HS6ST2: variants seen among roughly 807,000 people sequenced by gnomAD.
HS6ST2 encodes the protein heparan sulfate 6-O-sulfotransferase 2, also known as heparan-sulfate 6-O-sulfotransferase 2.
A neutral mutation model predicts 33.0 loss-of-function variants in HS6ST2; 17 were observed. That is an observed-to-expected ratio of 0.52 (90% CI 0.35 to 0.77). HS6ST2 has a LOEUF of 0.77. Among genes scored for constraint, HS6ST2 ranks in the 30% least tolerant of loss-of-function variants. The probability of loss-of-function intolerance (pLI) is 0.01; values close to 1 mark genes in which losing one functional copy is unlikely to be tolerated. For synonymous variants in HS6ST2, 248 were observed against 237.1 expected, an observed-to-expected ratio of 1.05 and a Z score of -0.42; for missense variants, 519 against 551.7, an observed-to-expected ratio of 0.94 and a Z score of 0.59.
intron 2 of HS6ST2, among the ~76,000 whole-genome samples, chrX:132,717,917 A>C (rs147721451): frequency 0.011 from 1,123 of 101,899 alleles, 6 homozygotes; most frequent in African/African-American, 0.039. Flanking sequence ...TCTCAGTTTC[A>C]TGTCTTACCT....
At chrX:132,940,845 C>G (rs2066879200) in intron 2 of HS6ST2, among the ~76,000 whole-genome samples, 1 of 111,671 alleles carries the variant, frequency 9.0e-6, no homozygotes, top group Admixed American at 9.5e-5. Context: ...GTACTGCATC[C>G]TGGAGTCAGA....
intron 2 of HS6ST2, among the ~76,000 whole-genome samples, chrX:132,762,780 G>A (rs948095131): frequency 6.3e-5 from 7 of 111,778 alleles, no homozygotes; most frequent in African/African-American, 2.3e-4. Flanking sequence ...AGCCCAAGAG[G>A]GAAAACTCAC....
intron 2 of HS6ST2, among the ~76,000 whole-genome samples, chrX:132,896,365 G>A (rs1311800313): frequency 2.7e-5 from 3 of 109,465 alleles, no homozygotes; most frequent in African/African-American, 6.7e-5. Context: ...CAGCTACTCG[G>A]GAGGCTGAGG....
intron 2 of HS6ST2, among the ~76,000 whole-genome samples, chrX:132,883,094 T>G (rs1463969657): frequency 9.0e-6 from 1 of 111,119 alleles, no homozygotes; most frequent in Admixed American, 9.6e-5. Context: ...TCTCTTTTTT[T>G]TTGTTGTGTC....
At chrX:132,954,075 C>A (rs750346659) in intron 2 of HS6ST2, among the ~76,000 whole-genome samples, 1 of 112,181 alleles carries the variant, frequency 8.9e-6, no homozygotes, top group Non-Finnish European at 1.9e-5. Context: ...AAATGGGGAT[C>A]CTTTTGTCCA....
Position 132,708,652 on chromosome X carries a change from T to C in HS6ST2, c.948-158A>G, listed in dbSNP as rs528714086. On this transcript the variant is annotated intron_variant, in intron 2 of 4. Coordinates refer to ENST00000370833, the MANE Select transcript of HS6ST2 (RefSeq NM_001394073.1). Reference sequence around the variant, plus strand: ...ATGGCTTCTCCACTTTGTTCCCCACTGGCTCCTCTCAAGTAATGGGGAGAT... The same window carrying C: ...ATGGCTTCTCCACTTTGTTCCCCACCGGCTCCTCTCAAGTAATGGGGAGAT... 21 of 448,176 alleles carry C rather than the reference T, an allele frequency of 4.7e-5. No individual in the cohort carries two copies. The South Asian group carries it at 7.0e-4, about 15-fold the overall frequency. The allele number at this position is 448,176 out of a possible 1,213,427, so 36.9% of individuals were successfully genotyped here. A position where few individuals can be genotyped will look rare whatever the true frequency, so the allele number is the denominator to read the frequency against.
chrX:132,739,345 G>A (rs1487646919), intron 2 of HS6ST2, among the ~76,000 whole-genome samples: 1 of 111,136 alleles, frequency 9.0e-6, no homozygotes, highest in African/African-American at 3.3e-5. Context: ...CTAACTCCAT[G>A]AGTCCAGAAT....
intron 4 of HS6ST2, among the ~76,000 whole-genome samples, chrX:132,664,350 T>C (rs1299863093): frequency 8.9e-6 from 1 of 112,248 alleles, no homozygotes; most frequent in Non-Finnish European, 1.9e-5. Context: ...TTCATTTGAC[T>C]CCTGCCAGCC....
At chrX:132,784,264 A>G (rs896852937) in intron 2 of HS6ST2, among the ~76,000 whole-genome samples, 4 of 111,579 alleles carry the variant, frequency 3.6e-5, no homozygotes, top group Non-Finnish European at 5.6e-5. Flanking sequence ...ATGAATTAGA[A>G]TCTTAGGATA....
intron 2 of HS6ST2, among the ~76,000 whole-genome samples, chrX:132,718,039 G>T (rs972456510): frequency 1.8e-5 from 2 of 111,917 alleles, no homozygotes; most frequent in African/African-American, 6.5e-5. Flanking sequence ...ATCTTTTCTA[G>T]AATTATTGGA....
At chrX:132,874,971 T>C (rs1251335124) in intron 2 of HS6ST2, among the ~76,000 whole-genome samples, 1 of 111,712 alleles carries the variant, frequency 9.0e-6, no homozygotes, top group Non-Finnish European at 1.9e-5. Flanking sequence ...TCTCTGCCTC[T>C]ACCTCAGAGA....
intron 2 of HS6ST2, among the ~76,000 whole-genome samples, chrX:132,927,179 G>T (rs138401736): frequency 9.1e-6 from 1 of 110,240 alleles, no homozygotes; most frequent in Non-Finnish European, 1.9e-5. Flanking sequence ...TCTTTTACTC[G>T]CAGCATTCTT....
At chrX:132,787,714 A>G (rs2065080974) in intron 2 of HS6ST2, among the ~76,000 whole-genome samples, 1 of 107,920 alleles carries the variant, frequency 9.3e-6, no homozygotes, top group Admixed American at 9.9e-5. Context: ...GCACGGCGAA[A>G]CCCCCATCTC....
At chrX:132,777,648 T>C (rs2064976475) in intron 2 of HS6ST2, among the ~76,000 whole-genome samples, 1 of 103,979 alleles carries the variant, frequency 9.6e-6, no homozygotes, top group Non-Finnish European at 2.0e-5. Context: ...GGTTTCACCA[T>C]GTTGGCCAGG....
chrX:132,927,641 T>C (rs1411477135), intron 2 of HS6ST2, among the ~76,000 whole-genome samples: 1 of 111,009 alleles, frequency 9.0e-6, no homozygotes, highest in African/African-American at 3.3e-5. Context: ...CTTGCATTGC[T>C]ATAAAGAAAT....
chrX:132,898,774 T>C (rs2066401971), intron 2 of HS6ST2, among the ~76,000 whole-genome samples: 1 of 110,899 alleles, frequency 9.0e-6, no homozygotes, highest in Non-Finnish European at 1.9e-5. Context: ...TTAAAACTTG[T>C]GGGAAAAAGT....
At chrX:132,900,165 A>G (rs982431080) in intron 2 of HS6ST2, among the ~76,000 whole-genome samples, 3 of 111,783 alleles carry the variant, frequency 2.7e-5, no homozygotes, top group African/African-American at 9.7e-5. Context: ...TACCAACTGC[A>G]AGTAATGATA....
At chrX:132,881,385 G>A (rs1346052105) in intron 2 of HS6ST2, among the ~76,000 whole-genome samples, 2 of 111,945 alleles carry the variant, frequency 1.8e-5, no homozygotes, top group Non-Finnish European at 3.8e-5. Flanking sequence ...CAGTGATGAT[G>A]AGCATTTTTT....
At chrX:132,943,815 A>C (rs992288257) in intron 2 of HS6ST2, among the ~76,000 whole-genome samples, 1 of 111,951 alleles carries the variant, frequency 8.9e-6, no homozygotes, top group Non-Finnish European at 1.9e-5. Flanking sequence ...ATAGCCCTTC[A>C]TGCTAAAAAC....
Sources: allele counts gnomAD v4.1 joint callset (sites outside exome capture counted in the v4.1 genomes callset), GRCh38; gene constraint gnomAD v4.1.1; transcripts MANE v1.5; gene names NCBI Gene and HGNC (gene_info 2026-07-23, HGNC 2026-07-21).